The following TTBK2 variants were observed in gnomAD, a reference collection of about 807,000 sequenced individuals.
TTBK2 encodes tau tubulin kinase 2.
Under a neutral mutation model 110.8 loss-of-function variants are expected in TTBK2, and 28 were observed. The ratio of observed to expected loss-of-function variants is 0.25; its 90% confidence interval spans 0.19 to 0.35. The LOEUF is 0.35. Among genes scored for constraint, TTBK2 ranks in the 10% least tolerant of loss-of-function variants. The pLI is 1.00. For missense variants in TTBK2, 1,369 were observed against 1,500.3 expected (o/e 0.91, Z 1.45); for synonymous variants, 532 against 527.3 (o/e 1.01, Z -0.12).
chr15:42,848,328 A>G (rs1462362038), intron 3 of TTBK2, among the ~76,000 whole-genome samples: 2 of 152,046 alleles, frequency 1.3e-5, no homozygotes, highest in African/African-American at 4.8e-5. Context: ...TGGGATTTTT[A>G]TTATTATTTC....
At chr15:42,768,842 A>G (rs1344391360) in intron 13 of TTBK2, among the ~76,000 whole-genome samples, 2 of 152,168 alleles carry the variant, frequency 1.3e-5, no homozygotes, top group African/African-American at 4.8e-5. Context: ...GAGGCATCAT[A>G]CTACCTGACT....
intron 12 of TTBK2, among the ~76,000 whole-genome samples, chr15:42,776,261 T>G (rs1161146924): frequency 6.6e-6 from 1 of 152,192 alleles, no homozygotes; most frequent in African/African-American, 2.4e-5. Flanking sequence ...TAATATTTCA[T>G]TACCAATAGT....
In TTBK2 at chr15:42,864,639, A is replaced by AC. The variant is rs1318908920; in HGVS notation, c.217+7971dup. ...AAAAACTCACCAACATAGATTCTGT[A>AC]CCCCCCAAAATTATCCTTCAGAAAT... is the stretch of plus-strand genomic sequence containing the variant. On this transcript the variant is annotated intron_variant, in intron 3 of 14. Transcript: ENST00000267890. Among the ~76,000 whole-genome samples, 5 of 152,128 alleles carry AC rather than the reference A, an allele frequency of 3.3e-5. No individual in the cohort carries two copies. The East Asian group carries it at 9.7e-4, about 29-fold the overall frequency.
chr15:42,917,405 ATTATG>A (rs1352387643), intron 1 of TTBK2, among the ~76,000 whole-genome samples: 5 of 152,160 alleles, frequency 3.3e-5, no homozygotes, highest in Non-Finnish European at 7.3e-5. Context: ...TGACATTCAT[ATTATG>A]TTATAATATA....
At chr15:42,819,325 G>A (rs1444864454) in intron 6 of TTBK2, among the ~76,000 whole-genome samples, 7 of 150,210 alleles carry the variant, frequency 4.7e-5, no homozygotes, top group African/African-American at 7.3e-5. Context: ...AAATTAGCCA[G>A]GCAACAGAGT....
At chr15:42,764,775 T>G (rs928302067) in intron 13 of TTBK2, among the ~76,000 whole-genome samples, 6 of 152,236 alleles carry the variant, frequency 3.9e-5, no homozygotes, top group Non-Finnish European at 8.8e-5. Context: ...GCATGGAGTT[T>G]GAGCTCGGAG....
At chr15:42,881,095 AT>A (rs1401030627) in intron 1 of TTBK2, among the ~76,000 whole-genome samples, 7 of 151,820 alleles carry the variant, frequency 4.6e-5, no homozygotes, top group African/African-American at 1.7e-4. Flanking sequence ...CAGCCTGGGC[AT>A]TATGGCAAGA....
chr15:42,814,690 G>C (rs1567039517), intron 7 of TTBK2, among the ~76,000 whole-genome samples: 1 of 152,168 alleles, frequency 6.6e-6, no homozygotes, highest in African/African-American at 2.4e-5. Flanking sequence ...AATTAGCTGG[G>C]AAACCTTTTA....
intron 6 of TTBK2, among the ~76,000 whole-genome samples, chr15:42,826,853 G>T (rs1892558240): frequency 6.6e-6 from 1 of 152,110 alleles, no homozygotes; most frequent in Admixed American, 6.5e-5. Context: ...AGAGGTTGTG[G>T]TAAAGGGAAC....
At chr15:42,768,970 A>C (rs140532956) in intron 13 of TTBK2, among the ~76,000 whole-genome samples, 4,535 of 152,266 alleles carry the variant, frequency 0.03, 90 homozygotes, top group Non-Finnish European at 0.043. Flanking sequence ...ATCTACAACC[A>C]TCTGATCTTT....
chr15:42,778,166 C>CTA (rs1489345439), intron 11 of TTBK2, among the ~76,000 whole-genome samples: 1 of 151,446 alleles, frequency 6.6e-6, no homozygotes, highest in East Asian at 1.9e-4. Flanking sequence ...TATAGACCAG[C>CTA]TATGCATAAA....
intron 10 of TTBK2, among the ~76,000 whole-genome samples, chr15:42,789,854 T>TACACACACACACACAGACAC (rs1890573205): frequency 1.4e-5 from 2 of 147,916 alleles, no homozygotes; most frequent in South Asian, 4.4e-4. Context: ...ATACATACAA[T>TACACACACACACACAGACAC]ACACACACAC....
intron 13 of TTBK2, among the ~76,000 whole-genome samples, chr15:42,754,466 G>C (rs1260303982): frequency 6.6e-6 from 1 of 151,366 alleles, no homozygotes; most frequent in Non-Finnish European, 1.5e-5. Context: ...TGCAATCTTG[G>C]CTCACCGCAA....
At chr15:42,845,680 C>T (rs917789802) in intron 3 of TTBK2, among the ~76,000 whole-genome samples, 1 of 146,726 alleles carries the variant, frequency 6.8e-6, no homozygotes, top group African/African-American at 2.5e-5. Context: ...TACTATTTTC[C>T]ATGTAAGCTA....
chr15:42,790,217 T>A (rs1455320915), intron 10 of TTBK2, among the ~76,000 whole-genome samples: 1 of 152,110 alleles, frequency 6.6e-6, no homozygotes, highest in Non-Finnish European at 1.5e-5. Context: ...GTCATAGTAT[T>A]TTATTATTAT....
In TTBK2 at chr15:42,741,110, A is replaced by T. The variant is rs1247094582; in HGVS notation, c.*4685T>A. The T allele has an allele frequency of 1.3e-5, 2 of 152,196 alleles. No homozygotes were observed. Among genetic ancestry groups the T allele is most frequent in the Non-Finnish European group, 2.9e-5 (2 of 68,042 alleles). 9.4% of individuals were successfully genotyped at this position (152,196 alleles called of 1,614,324 possible). A position where few individuals can be genotyped will look rare whatever the true frequency, so the allele number is the denominator to read the frequency against. On this transcript the variant is annotated 3_prime_UTR_variant, in exon 15 of 15. Coordinates refer to ENST00000267890, the MANE Select transcript of TTBK2 (RefSeq NM_173500.4). ...TCTAAAGGTTCCTGAGACTTTGTTA[A>T]ATTTCTCATAATTCCAGAGGGAAGG...
intron 10 of TTBK2, among the ~76,000 whole-genome samples, 174 bp downstream of exon 10, chr15:42,794,470 T>C (rs1352701374): frequency 9.9e-5 from 15 of 152,246 alleles, no homozygotes; most frequent in Non-Finnish European, 7.3e-5. Context: ...ATTAGTACTA[T>C]CTAAAGCAAG....
chr15:42,747,160 G>A (rs1160158154), intron 14 of TTBK2, among the ~76,000 whole-genome samples: 2 of 151,930 alleles, frequency 1.3e-5, no homozygotes, highest in Non-Finnish European at 2.9e-5. Flanking sequence ...TGTAGAGACG[G>A]TTTTGCCACA....
chr15:42,884,305 T>C (rs1895160770), intron 1 of TTBK2, among the ~76,000 whole-genome samples: 1 of 152,200 alleles, frequency 6.6e-6, no homozygotes, highest in South Asian at 2.1e-4. Flanking sequence ...TGTGATATTG[T>C]GGCTTATATT....
Sources: gnomAD v4.1 joint callset for allele counts (sites outside exome capture counted in the v4.1 genomes callset) on GRCh38, gnomAD v4.1.1 for gene constraint, MANE v1.5 for transcripts, NCBI Gene and HGNC (gene_info 2026-07-23, HGNC 2026-07-21) for gene names.